Variants in NSUN3 observed in about 807,000 individuals in gnomAD.
NSUN3 encodes the protein tRNA (cytosine(34)-C(5))-methyltransferase, mitochondrial.
Under a neutral mutation model 36.8 loss-of-function variants are expected in NSUN3, and 24 were observed. The ratio of observed to expected loss-of-function variants is 0.65; its 90% CI spans 0.47 to 0.92. The LOEUF (loss-of-function observed/expected upper bound fraction) is 0.92, where lower values mean the gene tolerates loss of function less well. NSUN3 is among the 40% of genes least tolerant of loss of function. NSUN3 has a pLI of 0.00. For missense variants in NSUN3, 381 were observed against 392.8 expected (o/e 0.97, Z 0.25); for synonymous variants, 146 against 145.2 (o/e 1.01, Z -0.04).
chr3:94,110,972 C>G (rs2077414308), intron 5 of NSUN3, among the ~76,000 whole-genome samples: 1 of 152,050 alleles, frequency 6.6e-6, no homozygotes, highest in African/African-American at 2.4e-5. Context: ...TGGCCATCTA[C>G]TAATTACCTG....
intron 5 of NSUN3, among the ~76,000 whole-genome samples, chr3:94,120,628 C>A (rs2077457446): frequency 1.3e-5 from 2 of 152,192 alleles, no homozygotes; most frequent in African/African-American, 4.8e-5. Context: ...AATAATATTT[C>A]ATCATATCTA....
At chr3:94,083,511 G>C (rs528169818) in intron 2 of NSUN3, among the ~76,000 whole-genome samples, 1 of 152,274 alleles carries the variant, frequency 6.6e-6, no homozygotes, top group South Asian at 2.1e-4. Context: ...CCAAACGGAG[G>C]CTGAAGTGAA....
chr3:94,084,041 T>A, intron 2 of NSUN3, 66 bp from the exon 3 acceptor site: 1 of 1,157,620 alleles, frequency 8.6e-7, no homozygotes, highest in African/African-American at 1.6e-5. Flanking sequence ...ACCTGATTCG[T>A]AATATAAAAT....
At chr3:94,107,731 A>G (rs1028100443) in intron 5 of NSUN3, among the ~76,000 whole-genome samples, 9 of 152,098 alleles carry the variant, frequency 5.9e-5, no homozygotes, top group Non-Finnish European at 8.8e-5. Context: ...TCTTAATGGT[A>G]TTTTGGGGAC....
chr3:94,124,153 T>C (rs1460581861), intron 5 of NSUN3, among the ~76,000 whole-genome samples: 4 of 135,282 alleles, frequency 3.0e-5, no homozygotes, highest in African/African-American at 5.8e-5. Flanking sequence ...TATTTCTTTT[T>C]TTTTTTTTTT....
chr3:94,106,332 A>G (rs1023417905), intron 5 of NSUN3, among the ~76,000 whole-genome samples: 2 of 152,212 alleles, frequency 1.3e-5, no homozygotes, highest in Non-Finnish European at 2.9e-5. Flanking sequence ...TGACAAAAGA[A>G]TAGCCGCTGG....
intron 5 of NSUN3, among the ~76,000 whole-genome samples, chr3:94,123,479 C>T (rs2077472662): frequency 6.6e-6 from 1 of 152,094 alleles, no homozygotes; most frequent in South Asian, 2.1e-4. Context: ...TTCCTGGGCT[C>T]GTAATAGGTG....
chr3:94,074,337 G>A (rs2077237970), intron 2 of NSUN3, among the ~76,000 whole-genome samples: 1 of 152,154 alleles, frequency 6.6e-6, no homozygotes, highest in Non-Finnish European at 1.5e-5. Context: ...CCAATTCTGT[G>A]AAGAAAGTCA....
intron 1 of NSUN3, 135 bp from the exon 2 acceptor site, chr3:94,064,302 G>T: frequency 1.6e-6 from 1 of 620,014 alleles, no homozygotes. Context: ...GTACATGTAA[G>T]GTATTGCTTC....
At chr3:94,094,091 T>A (rs754198563) in intron 3 of NSUN3, 49 bp from the exon 4 acceptor site, 2 of 1,374,892 alleles carry the variant, frequency 1.5e-6, no homozygotes, top group African/African-American at 1.5e-5. Flanking sequence ...AGTAGAAATT[T>A]AACAGTTCCA....
At chr3:94,114,896 G>A (rs2107269690) in intron 5 of NSUN3, among the ~76,000 whole-genome samples, 1 of 152,052 alleles carries the variant, frequency 6.6e-6, no homozygotes, top group South Asian at 2.1e-4. Flanking sequence ...AATTCACTTA[G>A]GATAATGGTT....
rs1337507488 is a variant in NSUN3, at chr3:94,127,785, C to G, written c.*1295C>G. 1 of 152,092 alleles carries G rather than the reference C, an allele frequency of 6.6e-6. No individual in the cohort carries two copies. The highest frequency in any genetic ancestry group is 1.5e-5 in the Non-Finnish European group (1 of 68,016). 9.4% of individuals were successfully genotyped at this position (152,092 alleles called of 1,614,324 possible). ...ATGTTCTGTGCCTTTAAACTAGAGA[C>G]TATTTGCTTATTAATATTTTTTGTT... On this transcript the variant is annotated 3_prime_UTR_variant, in exon 6 of 6. Transcript: ENST00000314622.
intron 3 of NSUN3, among the ~76,000 whole-genome samples, chr3:94,093,392 C>G (rs981957242): frequency 6.6e-6 from 1 of 151,860 alleles, no homozygotes; most frequent in Non-Finnish European, 1.5e-5. Context: ...TGTTTTTTCC[C>G]TTCTACGTTA....
chr3:94,090,701 T>G (rs1297224735), intron 3 of NSUN3, among the ~76,000 whole-genome samples: 1 of 152,176 alleles, frequency 6.6e-6, no homozygotes, highest in Non-Finnish European at 1.5e-5. Flanking sequence ...AATGCATCAA[T>G]TATCTTTAAA....
chr3:94,065,438 C>G (rs1010191950), intron 2 of NSUN3, among the ~76,000 whole-genome samples: 2 of 152,108 alleles, frequency 1.3e-5, no homozygotes, highest in Non-Finnish European at 2.9e-5. Context: ...AGGGCAAAAG[C>G]CCACTACATG....
At chr3:94,102,802 A>C (rs2077371359) in intron 5 of NSUN3, among the ~76,000 whole-genome samples, 1 of 152,182 alleles carries the variant, frequency 6.6e-6, no homozygotes, top group African/African-American at 2.4e-5. Flanking sequence ...ATATATATTG[A>C]CAATATGAAT....
chr3:94,093,550 AG>A (rs2077325171), intron 3 of NSUN3, among the ~76,000 whole-genome samples: 2 of 151,664 alleles, frequency 1.3e-5, no homozygotes, highest in South Asian at 4.2e-4. Flanking sequence ...AATAACCCCT[AG>A]AGACCTGATA....
chr3:94,069,290 G>T (rs922387778), intron 2 of NSUN3, among the ~76,000 whole-genome samples: 1 of 152,154 alleles, frequency 6.6e-6, no homozygotes, highest in African/African-American at 2.4e-5. Flanking sequence ...AAATAGAATA[G>T]GAAGCCATCA....
intron 3 of NSUN3, among the ~76,000 whole-genome samples, chr3:94,093,873 G>C (rs748074506): frequency 3.3e-5 from 5 of 152,162 alleles, no homozygotes; most frequent in Non-Finnish European, 7.4e-5. Context: ...AATTAAACTT[G>C]GTGGAGCAAA....
Sources: gnomAD v4.1 joint callset for allele counts (sites outside exome capture counted in the v4.1 genomes callset) on GRCh38, gnomAD v4.1.1 for gene constraint, MANE v1.5 for transcripts, NCBI Gene and HGNC (gene_info 2026-07-23, HGNC 2026-07-21) for gene names.